GDPD5: variants seen among roughly 807,000 people sequenced by gnomAD.
The protein encoded by GDPD5 is glycerophosphodiester phosphodiesterase domain containing 5, also known as glycerophosphodiester phosphodiesterase 2.
A neutral mutation model predicts 75.1 loss-of-function variants in GDPD5; 48 were observed. That is an observed-to-expected ratio of 0.64 (90% CI 0.51 to 0.81). GDPD5 has a LOEUF of 0.81. GDPD5 is among the 40% of genes least tolerant of loss of function. The pLI is 0.00. For missense variants in GDPD5, 706 were observed against 822.6 expected (o/e 0.86, Z 1.73); for synonymous variants, 336 against 339.0 (o/e 0.99, Z 0.10).
At chr11:75,484,199 C>A (rs1242369454) in intron 2 of GDPD5, among the ~76,000 whole-genome samples, 2 of 152,180 alleles carry the variant, frequency 1.3e-5, no homozygotes, top group South Asian at 2.1e-4. Context: ...CACCATCCAA[C>A]CCTCCCACAA....
intron 1 of GDPD5, among the ~76,000 whole-genome samples, chr11:75,511,377 A>G (rs1455221527): frequency 6.6e-6 from 1 of 152,146 alleles, no homozygotes; most frequent in African/African-American, 2.4e-5. Context: ...TTGACCAAGG[A>G]GTTGCATGTT....
chr11:75,525,010 G>A (rs1941613159), intron 1 of GDPD5, among the ~76,000 whole-genome samples, 200 bp downstream of exon 1: 1 of 152,192 alleles, frequency 6.6e-6, no homozygotes, highest in Admixed American at 6.5e-5. Context: ...GGCTTAGGCG[G>A]GGCGGGGCGG....
intron 2 of GDPD5, among the ~76,000 whole-genome samples, chr11:75,480,187 T>C (rs1457355057): frequency 1.3e-5 from 2 of 152,004 alleles, no homozygotes; most frequent in Non-Finnish European, 2.9e-5. Context: ...ATACAAAAAT[T>C]AGCTGGGCAT....
intron 1 of GDPD5, among the ~76,000 whole-genome samples, chr11:75,523,709 G>A (rs1032461383): frequency 6.6e-6 from 1 of 152,246 alleles, no homozygotes; most frequent in Admixed American, 6.5e-5. Context: ...TCATCAAAGA[G>A]CTTTGTTTAG....
intron 3 of GDPD5, among the ~76,000 whole-genome samples, chr11:75,468,817 C>T (rs933009637): frequency 1.3e-5 from 2 of 152,200 alleles, no homozygotes; most frequent in African/African-American, 4.8e-5. Context: ...GGAGAATACA[C>T]AAAAGAGCTG....
At chr11:75,438,441 G>A (rs1040488194) in intron 15 of GDPD5, 1 of 152,262 alleles carries the variant, frequency 6.6e-6, no homozygotes, top group Non-Finnish European at 1.5e-5. Flanking sequence ...ACCATGGGGT[G>A]GCCTCCCCAG....
chr11:75,499,528 C>T (rs72989912), intron 1 of GDPD5, among the ~76,000 whole-genome samples: 2,299 of 151,456 alleles, frequency 0.015, 40 homozygotes, highest in South Asian at 0.04. Context: ...TGAATCAGGG[C>T]GGGTCTGACA....
At chr11:75,460,245 G>A (rs939041530) in intron 4 of GDPD5, among the ~76,000 whole-genome samples, 2 of 152,152 alleles carry the variant, frequency 1.3e-5, no homozygotes, top group African/African-American at 4.8e-5. Flanking sequence ...ATCCAGTGCT[G>A]ATCCCTGGCT....
intron 16 of GDPD5, 103 bp from the exon 17 acceptor site, chr11:75,435,758 G>T: frequency 8.2e-7 from 1 of 1,212,526 alleles, no homozygotes; most frequent in South Asian, 1.6e-5. Flanking sequence ...GGGGCACTTG[G>T]AGGCTGATGA....
At chr11:75,459,456 A>G (rs1005296596) in intron 4 of GDPD5, among the ~76,000 whole-genome samples, 3 of 151,470 alleles carry the variant, frequency 2.0e-5, no homozygotes, top group Non-Finnish European at 4.4e-5. Flanking sequence ...GGCACATACC[A>G]CTGTGGCTGG....
chr11:75,479,704 T>G (rs1348123284), intron 2 of GDPD5, among the ~76,000 whole-genome samples: 1 of 151,526 alleles, frequency 6.6e-6, no homozygotes, highest in Non-Finnish European at 1.5e-5. Context: ...TAACTCCCTA[T>G]TTACCCTGGC....
rs4522198 is a variant in GDPD5, at chr11:75,493,905, G to A, written c.-144-3585C>T. On this transcript the variant is annotated intron_variant, in intron 1 of 16. Coordinates refer to ENST00000336898, the MANE Select transcript of GDPD5 (RefSeq NM_030792.8). ...CACAAAAATGCACATGGTGGCTGAG[G>A]AACATCTTACAACATTCTGCAACTC... Among the ~76,000 whole-genome samples, 443 of 152,138 alleles carry A rather than the reference G, an allele frequency of 2.9e-3. 3 individuals are homozygous for A. The highest frequency in any genetic ancestry group is 4.9e-3 in the Non-Finnish European group (334 of 68,008).
intron 3 of GDPD5, among the ~76,000 whole-genome samples, chr11:75,474,171 A>G (rs577557668): frequency 1.2e-4 from 18 of 152,330 alleles, no homozygotes; most frequent in African/African-American, 4.3e-4. Flanking sequence ...GAGGAAATCA[A>G]TTAAGATTAT....
intron 1 of GDPD5, among the ~76,000 whole-genome samples, chr11:75,496,709 A>G (rs1950214761): frequency 1.3e-5 from 2 of 150,176 alleles, no homozygotes; most frequent in African/African-American, 4.9e-5. Flanking sequence ...CAAGGTTTCT[A>G]TGTACGCTAT....
chr11:75,489,209 C>G (rs930773624), intron 2 of GDPD5, among the ~76,000 whole-genome samples: 7 of 152,090 alleles, frequency 4.6e-5, no homozygotes, highest in African/African-American at 1.7e-4. Context: ...AGGTACTTTT[C>G]TCTCACAAAT....
In GDPD5 at chr11:75,525,544, C is replaced by T. The variant is rs1180288988; in HGVS notation, c.-479G>A. On this transcript the variant is annotated 5_prime_UTR_variant, in exon 1 of 17. Transcript: ENST00000336898. ...GCTAGCCCTGGAGCTGGGGTTCCGACCCTCACTGACGGAAAGGCGCGGAGC... is the reference window on the plus strand; with the variant it reads ...GCTAGCCCTGGAGCTGGGGTTCCGATCCTCACTGACGGAAAGGCGCGGAGC... The T allele has an allele frequency of 6.6e-6, 1 of 152,320 alleles. No individual in the cohort carries two copies. The highest frequency in any genetic ancestry group is 2.4e-5 in the African/African-American group (1 of 41,462). 9.4% of individuals were successfully genotyped at this position (152,320 alleles called of 1,614,324 possible).
intron 1 of GDPD5, among the ~76,000 whole-genome samples, chr11:75,523,906 C>G (rs1223602061): frequency 1.3e-5 from 2 of 152,222 alleles, no homozygotes; most frequent in East Asian, 3.9e-4. Flanking sequence ...AGGTGGTTTC[C>G]CCTTGACTCC....
chr11:75,499,977 T>A (rs1950276831), intron 1 of GDPD5, among the ~76,000 whole-genome samples: 1 of 152,170 alleles, frequency 6.6e-6, no homozygotes, highest in African/African-American at 2.4e-5. Context: ...CCAGGGTGGC[T>A]GCTACCACCA....
rs145199195 is a variant in GDPD5 at position 75,500,598 on chromosome 11, C to T, written c.-144-10278G>A. On this transcript the variant is annotated intron_variant, in intron 1 of 16. Coordinates refer to ENST00000336898, the MANE Select transcript of GDPD5 (RefSeq NM_030792.8). ...CTTCTTGGCAGTATCATCCACCCCA[C>T]GGTTTCAACCACCCATCTCTGGCTG... 1.8e-4 allele frequency among the ~76,000 whole-genome samples: 27 copies of T among 152,262 alleles called. No individual in the cohort carries two copies. The East Asian group carries it at 3.1e-3, about 17-fold the overall frequency.
Sources: allele counts gnomAD v4.1 joint callset (sites outside exome capture counted in the v4.1 genomes callset), GRCh38; gene constraint gnomAD v4.1.1; transcripts MANE v1.5; gene names NCBI Gene and HGNC (gene_info 2026-07-23, HGNC 2026-07-21).